RBM25: variants seen among roughly 807,000 people sequenced by gnomAD.
RBM25 encodes RNA-binding protein 25.
RBM25 carries 19 observed loss-of-function variants against 120.7 expected under a neutral mutation model. The ratio of observed to expected loss-of-function variants is 0.16; its 90% CI spans 0.11 to 0.23. RBM25 has a LOEUF of 0.23. RBM25 is among the 10% of genes least tolerant of loss of function. The probability of loss-of-function intolerance (pLI) is 1.00; values close to 1 mark genes in which losing one functional copy is unlikely to be tolerated. For synonymous variants in RBM25, 390 were observed against 326.7 expected, an observed-to-expected ratio of 1.19 and a Z score of -2.09; for missense variants, 605 against 1,041.5, an observed-to-expected ratio of 0.58 and a Z score of 5.77.
intron 10 of RBM25, 34 bp from the exon 11 acceptor site, chr14:73,105,825 C>T: frequency 1.1e-5 from 18 of 1,594,032 alleles, no homozygotes; most frequent in Non-Finnish European, 1.5e-5. Context: ...AGAAAGTAGA[C>T]TGACAGATTT....
chr14:73,104,521 G>A (rs1365100270), intron 10 of RBM25, among the ~76,000 whole-genome samples: 1 of 151,688 alleles, frequency 6.6e-6, no homozygotes, highest in Non-Finnish European at 1.5e-5. Flanking sequence ...ACACACCACT[G>A]TCCCGGACTA....
chr14:73,105,970 G>A lies in RBM25; in HGVS notation c.1266G>A (p.Glu422=), dbSNP rs778258872. 1 of 1,613,778 alleles carries A rather than the reference G, an allele frequency of 6.2e-7. No homozygotes were observed. The highest frequency in any genetic ancestry group is 1.3e-5 in the African/African-American group (1 of 74,838). The change falls in exon 11 of 19, where the codon GAG becomes GAA. Residue 422 remains glutamate, a synonymous_variant. Coordinates refer to ENST00000261973, the MANE Select transcript of RBM25 (RefSeq NM_021239.3). ...AGAGAGAGCGAGAGAGGGAACGGGA[G>A]CGAGAAAGAGAAAAAGACAAAAAAC... ...ERERERERER[E]REREKDKKRD...
intron 18 of RBM25, among the ~76,000 whole-genome samples, chr14:73,118,740 T>G (rs1436300258): frequency 6.6e-6 from 1 of 152,036 alleles, no homozygotes; most frequent in East Asian, 1.9e-4. Flanking sequence ...ATGATTTTTT[T>G]TTGTTGTCGT....
At chr14:73,115,153 CGTGTGTGTGTGTGTGTGTGTGT>C (rs33924709) in intron 18 of RBM25, among the ~76,000 whole-genome samples, 1 of 146,678 alleles carries the variant, frequency 6.8e-6, no homozygotes. Context: ...GGAACTGATA[CGTGTGTGTGTGTGTGTGTGTGT>C]GTGTGTGTGT....
At chr14:73,062,645 G>C (rs1895030380) in intron 1 of RBM25, among the ~76,000 whole-genome samples, 1 of 151,456 alleles carries the variant, frequency 6.6e-6, no homozygotes, top group Admixed American at 6.6e-5. Context: ...CTGAGTGCAT[G>C]CATATGTTGA....
At chr14:73,094,747 C>T (rs528596260) in intron 6 of RBM25, among the ~76,000 whole-genome samples, 2 of 151,920 alleles carry the variant, frequency 1.3e-5, no homozygotes, top group Non-Finnish European at 1.5e-5. Context: ...AGGCTGGTCT[C>T]GAACTCCTGA....
rs1438738149 is a variant in RBM25 at position 73,122,619 on chromosome 14, G to A, written c.*2814G>A. ...GAACCAGTCTTGATCTGGCAAAAAA[G>A]TAGTAGAATACTACTTTTCTTTATT... On this transcript the variant is annotated 3_prime_UTR_variant, in exon 19 of 19. Transcript: ENST00000261973. 6.6e-6 allele frequency: 1 copy of A among 152,140 alleles called. No homozygotes were observed. Among genetic ancestry groups the A allele is most frequent in the Non-Finnish European group, 1.5e-5 (1 of 68,008 alleles). 9.4% of individuals were successfully genotyped at this position (152,140 alleles called of 1,614,324 possible).
intron 18 of RBM25, among the ~76,000 whole-genome samples, chr14:73,119,065 G>C (rs936745398): frequency 6.6e-6 from 1 of 151,780 alleles, no homozygotes; most frequent in Non-Finnish European, 1.5e-5. Context: ...CACTGTGCCC[G>C]GTCCATTTAC....
At chr14:73,074,588 G>T (rs1191989563) in intron 2 of RBM25, among the ~76,000 whole-genome samples, 2 of 152,124 alleles carry the variant, frequency 1.3e-5, no homozygotes, top group Non-Finnish European at 2.9e-5. Context: ...GAGGTGGGGG[G>T]TGGCAGTAAG....
At chr14:73,060,613 G>A (rs1479346560) in intron 1 of RBM25, among the ~76,000 whole-genome samples, 1 of 151,244 alleles carries the variant, frequency 6.6e-6, no homozygotes, top group Non-Finnish European at 1.5e-5. Flanking sequence ...TCACAAAAGG[G>A]GATTTTTGAT....
intron 17 of RBM25, among the ~76,000 whole-genome samples, chr14:73,113,242 C>T (rs908999817): frequency 6.6e-6 from 1 of 151,908 alleles, no homozygotes; most frequent in Non-Finnish European, 1.5e-5. Context: ...GTTTGGTTTA[C>T]ACCAGGCTAA....
At chr14:73,066,350 T>TA (rs1471671871) in intron 1 of RBM25, among the ~76,000 whole-genome samples, 3 of 152,120 alleles carry the variant, frequency 2.0e-5, no homozygotes, top group Admixed American at 6.6e-5. Flanking sequence ...TAAATCCTCC[T>TA]AAGGGCTGGG....
chr14:73,122,940 A>AT lies in RBM25; in HGVS notation c.*3139dup, dbSNP rs1461638655. ...TGCAGCTGAATTTTCCTTTAAGTAG[A>AT]TTTTAAAGAGAAAAACATTTTTTGA... On this transcript the variant is annotated 3_prime_UTR_variant, in exon 19 of 19. Transcript: ENST00000261973. 6.6e-6 allele frequency: 1 copy of AT among 152,216 alleles called. No individual in the cohort carries two copies. Among genetic ancestry groups the AT allele is most frequent in the Non-Finnish European group, 1.5e-5 (1 of 68,040 alleles). The allele number at this position is 152,216 out of a possible 1,614,324, so 9.4% of individuals were successfully genotyped here.
chr14:73,070,016 A>G (rs544370115), intron 1 of RBM25: 1 of 152,106 alleles, frequency 6.6e-6, no homozygotes, highest in South Asian at 2.1e-4. Context: ...ACTTAATAAA[A>G]TGACAAAGTT....
chr14:73,079,747 T>G (rs1029967051), intron 4 of RBM25, among the ~76,000 whole-genome samples: 1 of 150,868 alleles, frequency 6.6e-6, no homozygotes, highest in African/African-American at 2.4e-5. Flanking sequence ...TCCTGGGCAC[T>G]CTGTAAGTTT....
intron 10 of RBM25, among the ~76,000 whole-genome samples, chr14:73,104,454 T>A (rs1055658182): frequency 1.1e-4 from 16 of 151,990 alleles, no homozygotes; most frequent in Non-Finnish European, 1.9e-4. Context: ...TTGCAACCTT[T>A]GCCTCCCAGG....
intron 1 of RBM25, among the ~76,000 whole-genome samples, chr14:73,066,433 TGA>T (rs1895135256): frequency 6.6e-6 from 1 of 152,096 alleles, no homozygotes; most frequent in Non-Finnish European, 1.5e-5. Flanking sequence ...GCCAGGAGTT[TGA>T]GACCAGCCTG....
chr14:73,091,539 G>A (rs923967190), intron 6 of RBM25, among the ~76,000 whole-genome samples: 4 of 152,034 alleles, frequency 2.6e-5, no homozygotes, highest in Non-Finnish European at 5.9e-5. Context: ...ATCAACATTA[G>A]CCAGAGTAAC....
rs937551158 is a variant in RBM25 at position 73,068,084 on chromosome 14, A to G, written c.-15-3543A>G. The G allele has an allele frequency of 6.7e-6, 4 of 598,964 alleles. No individual in the cohort carries two copies. In the South Asian group the frequency reaches 6.7e-5, roughly 10 times the overall value. The allele number at this position is 598,964 out of a possible 1,614,324, so 37.1% of individuals were successfully genotyped here. A position where few individuals can be genotyped will look rare whatever the true frequency, so the allele number is the denominator to read the frequency against. On this transcript the variant is annotated intron_variant, in intron 1 of 18. Transcript: ENST00000261973. ...GTGAGCAGTGATCACTAAGCACATGAGCTACGACCACCCCAACTTTACCTC... is the reference window on the plus strand; with the variant it reads ...GTGAGCAGTGATCACTAAGCACATGGGCTACGACCACCCCAACTTTACCTC...
Sources: gnomAD v4.1 joint callset for allele counts (sites outside exome capture counted in the v4.1 genomes callset) on GRCh38, gnomAD v4.1.1 for gene constraint, MANE v1.5 for transcripts, NCBI Gene and HGNC (gene_info 2026-07-23, HGNC 2026-07-21) for gene names.